The following LRRK2 variants were observed in gnomAD, a reference collection of about 807,000 sequenced individuals.
LRRK2 encodes the protein leucine-rich repeat serine/threonine-protein kinase 2.
LRRK2 carries 203 observed loss-of-function variants against 302.6 expected under a neutral mutation model. That is an observed-to-expected ratio of 0.67 (90% CI 0.60 to 0.75). The LOEUF (loss-of-function observed/expected upper bound fraction) is 0.75, where lower values mean the gene tolerates loss of function less well. Among genes scored for constraint, LRRK2 ranks in the 30% least tolerant of loss-of-function variants. The probability of loss-of-function intolerance (pLI) is 0.00; values close to 1 mark genes in which losing one functional copy is unlikely to be tolerated. For missense variants in LRRK2, 2,830 were observed against 2,951.0 expected, an observed-to-expected ratio of 0.96 and a Z score of 0.95; for synonymous variants, 1,066 against 1,031.9, an observed-to-expected ratio of 1.03 and a Z score of -0.63.
At position 40,304,038 on chromosome 12, in the gene LRRK2, T is replaced by C; in HGVS notation, c.3681T>C (p.Phe1227=). The change falls in exon 27 of 51, where the codon TTT becomes TTC. Residue 1227 remains phenylalanine (F), a synonymous_variant. Coordinates refer to ENST00000298910, the MANE Select transcript of LRRK2 (RefSeq NM_198578.4). ...WKSLNLRELL[F]SHNQISILDL... ...CTTTGAACTTAAGGGAACTCTTATT[T>C]AGCCATAATCAGATCAGCATCTTGG... 1 of 1,613,748 alleles carries C rather than the reference T, an allele frequency of 6.2e-7. No homozygotes were observed. Among genetic ancestry groups the C allele is most frequent in the Admixed American group, 1.7e-5 (1 of 59,978 alleles).
At chr12:40,355,285 G>A (rs1946491558) in intron 45 of LRRK2, among the ~76,000 whole-genome samples, 1 of 152,172 alleles carries the variant, frequency 6.6e-6, no homozygotes, top group South Asian at 2.1e-4. Context: ...GCCTATCACA[G>A]CAGGGGAGAG....
At position 40,340,247 on chromosome 12, in the gene LRRK2, A is replaced by G. The variant is rs762706930; in HGVS notation, c.5949-47A>G. 19 of 1,590,476 alleles carry G rather than the reference A, an allele frequency of 1.2e-5. No individual in the cohort carries two copies. The Middle Eastern group carries it at 1.0e-3, about 84-fold the overall frequency. On this transcript the variant is annotated intron_variant, in intron 40 of 50. Transcript: ENST00000298910. ...TAAGGAAATTAGGACAAAAATTATT[A>G]TAATGTAATCACATTTGAATAAGAT...
In LRRK2 at chr12:40,364,856, A is replaced by G; in HGVS notation, c.7196A>G (p.Lys2399Arg). Residue 2399 changes from lysine (K) to arginine (R), a missense_variant, in exon 49 of 51, where the codon AAA becomes AGA. Physicochemically the swap from Lys to Arg is conservative, Grantham distance 26. Transcript: ENST00000298910. ...TATGGTTCTAGGGAGGTAATGGTAA[A>G]AGAAAACAAGGAATCAAAACACAAA... ...CVHFLREVMV[K>R]ENKESKHKMS... 6.2e-7 allele frequency: 1 copy of G among 1,611,662 alleles called. No homozygotes were observed. The highest frequency in any genetic ancestry group is 8.5e-7 in the Non-Finnish European group (1 of 1,178,446).
At position 40,351,533 on chromosome 12, in the gene LRRK2, T is replaced by G; in HGVS notation, c.6382-6T>G. On this transcript the variant is annotated splice_polypyrimidine_tract_variant and splice_region_variant and intron_variant, in intron 43 of 50. Transcript: ENST00000298910. The stretch of plus-strand genomic sequence containing the variant: ...GTACTGTTTTGTTATCTTTAAACTT[T>G]CTCAGGTCTTTGACATTTTGAATTC... 1 of 1,613,988 alleles carries G rather than the reference T, an allele frequency of 6.2e-7. No individual in the cohort carries two copies. The highest frequency in any genetic ancestry group is 8.5e-7 in the Non-Finnish European group (1 of 1,179,868).
chr12:40,232,147 T>G, intron 2 of LRRK2, 127 bp from the exon 3 acceptor site: 2 of 742,390 alleles, frequency 2.7e-6, no homozygotes, highest in African/African-American at 1.7e-5. Flanking sequence ...ATCATTTTGT[T>G]GTATAACCAT....
intron 43 of LRRK2, among the ~76,000 whole-genome samples, chr12:40,349,091 T>C (rs1056573633): frequency 1.3e-5 from 2 of 152,226 alleles, no homozygotes; most frequent in Non-Finnish European, 2.9e-5. Flanking sequence ...TCCATTGGAA[T>C]TGACATTTTT....
At chr12:40,230,505 A>G (rs1466735292) in intron 2 of LRRK2, among the ~76,000 whole-genome samples, 1 of 152,132 alleles carries the variant, frequency 6.6e-6, no homozygotes, top group African/African-American at 2.4e-5. Context: ...CCGTTCTTAT[A>G]CAATCTGGCT....
intron 4 of LRRK2, among the ~76,000 whole-genome samples, chr12:40,237,646 A>G (rs975265357): frequency 7.2e-5 from 11 of 152,158 alleles, no homozygotes; most frequent in African/African-American, 2.4e-4. Context: ...ACTGTGGAAT[A>G]TTCAGATGTT....
intron 33 of LRRK2, among the ~76,000 whole-genome samples, chr12:40,317,269 G>A (rs147119559): frequency 6.6e-6 from 1 of 152,028 alleles, no homozygotes; most frequent in East Asian, 1.9e-4. Context: ...TTAAATTTCC[G>A]ATTAACCTAA....
At chr12:40,362,903 T>C (rs1946756963) in intron 47 of LRRK2, among the ~76,000 whole-genome samples, 1 of 152,106 alleles carries the variant, frequency 6.6e-6, no homozygotes, top group African/African-American at 2.4e-5. Context: ...TTGACTGGCT[T>C]AACTGCAAAG....
intron 16 of LRRK2, among the ~76,000 whole-genome samples, chr12:40,277,063 A>C (rs986013128): frequency 2.6e-5 from 4 of 152,138 alleles, no homozygotes; most frequent in African/African-American, 9.7e-5. Flanking sequence ...CTGGTCTTGA[A>C]TTCCTGGGCT....
chr12:40,295,291 T>C, intron 22 of LRRK2, 136 bp from the exon 23 acceptor site: 1 of 751,404 alleles, frequency 1.3e-6, no homozygotes, highest in Non-Finnish European at 2.2e-6. Context: ...GAATGTAAAC[T>C]CCATAGTTTG....
At chr12:40,361,205 T>A (rs1191972395) in intron 47 of LRRK2, among the ~76,000 whole-genome samples, 11 of 148,480 alleles carry the variant, frequency 7.4e-5, no homozygotes, top group African/African-American at 2.7e-4. Flanking sequence ...TGCAGTGTAT[T>A]ATAAGTTCCC....
rs202170315 is a variant in LRRK2, at chr12:40,251,480, G to A, written c.1117G>A (p.Ala373Thr). ...NKHVQEAACW[A>T]LNNLLMYQNS... is the part of the protein sequence containing the mutation. The stretch of plus-strand genomic sequence containing the variant: ...CCTAATCCAGGAGGCCGCATGCTGG[G>A]CACTAAATAATCTCCTTATGTACCA... Residue 373 changes from alanine to threonine, a missense_variant, in exon 10 of 51, where the codon GCA becomes ACA. Ala to Thr is a moderately conservative substitution (Grantham distance 58, BLOSUM62 0). Around this residue, in one of 3 missense-constraint regions of LRRK2, gnomAD observed 2,121 missense variants for 2,148.0 expected, o/e 0.99. Transcript: ENST00000298910. 7.8e-5 allele frequency: 126 copies of A among 1,611,774 alleles called. No homozygotes were observed. In the South Asian group the frequency reaches 1.3e-3, roughly 16 times the overall value.
At chr12:40,316,759 G>A (rs1945236025) in intron 33 of LRRK2, among the ~76,000 whole-genome samples, 1 of 152,032 alleles carries the variant, frequency 6.6e-6, no homozygotes, top group African/African-American at 2.4e-5. Flanking sequence ...CTATAAAGAG[G>A]TACTTACGTA....
intron 16 of LRRK2, among the ~76,000 whole-genome samples, chr12:40,276,987 C>T (rs1943485550): frequency 6.6e-6 from 1 of 152,020 alleles, no homozygotes; most frequent in African/African-American, 2.4e-5. Context: ...GCTGGGACTA[C>T]AGGTGCATGC....
chr12:40,341,329 A>T (rs1592312644), intron 41 of LRRK2, among the ~76,000 whole-genome samples: 1 of 152,324 alleles, frequency 6.6e-6, no homozygotes, highest in East Asian at 1.9e-4. Context: ...ATGCTACAGG[A>T]TATCTCACTA....
chr12:40,233,321 G>A (rs547266217), intron 3 of LRRK2, among the ~76,000 whole-genome samples: 2 of 152,090 alleles, frequency 1.3e-5, no homozygotes, highest in South Asian at 2.1e-4. Context: ...ATATTTTTTG[G>A]CTTCCAATGG....
At chr12:40,230,303 C>A (rs576816228) in intron 2 of LRRK2, among the ~76,000 whole-genome samples, 6 of 152,186 alleles carry the variant, frequency 3.9e-5, no homozygotes, top group Admixed American at 2.6e-4. Flanking sequence ...CTAAAATAGC[C>A]GTTGTTTACT....
Sources: gnomAD v4.1 joint callset for allele counts (sites outside exome capture counted in the v4.1 genomes callset) on GRCh38, gnomAD v4.1.1 for gene constraint, gnomAD v4.1.1 regional missense constraint, MANE v1.5 for transcripts, NCBI Gene and HGNC (gene_info 2026-07-23, HGNC 2026-07-21) for gene names.